IL2RA: variants seen among roughly 807,000 people sequenced by gnomAD.
The protein encoded by IL2RA is interleukin 2 receptor subunit alpha.
Under a neutral mutation model 37.8 loss-of-function variants are expected in IL2RA, and 24 were observed. The observed-to-expected ratio is 0.63, with a 90% CI of 0.46 to 0.89. The LOEUF (loss-of-function observed/expected upper bound fraction) is 0.89, where lower values mean the gene tolerates loss of function less well. Among genes scored for constraint, IL2RA ranks in the 40% least tolerant of loss-of-function variants. The pLI, the probability that IL2RA is intolerant of heterozygous loss-of-function variation, is 0.00. For missense variants in IL2RA, 319 were observed against 348.6 expected, an observed-to-expected ratio of 0.92 and a Z score of 0.68; for synonymous variants, 125 against 114.6, an observed-to-expected ratio of 1.09 and a Z score of -0.58.
At chr10:6,034,307 G>T (rs1162932560) in intron 1 of IL2RA, among the ~76,000 whole-genome samples, 2 of 152,162 alleles carry the variant, frequency 1.3e-5, no homozygotes, top group Non-Finnish European at 2.9e-5. Context: ...TAAAGAGCTT[G>T]GCTATAATCC....
rs138810945 is a variant in IL2RA at position 6,022,812 on chromosome 10, C to G, written c.368-1119G>C. ...ACATCCCTCAGGCAGAGCCAGCCTT[C>G]GAGAAAGGACAACAAGCATTGGCCT... On this transcript the variant is annotated intron_variant, in intron 3 of 7. Coordinates refer to ENST00000379959, the MANE Select transcript of IL2RA (RefSeq NM_000417.3). This position sits in a 1 kb window ranked among gnomAD's most constrained non-coding sequence, Gnocchi z 4.7. Among the ~76,000 whole-genome samples the G allele has an allele frequency of 1.1e-5, 1 of 87,054 alleles. No homozygotes were observed. Among genetic ancestry groups the G allele is most frequent in the Non-Finnish European group, 3.2e-5 (1 of 31,546 alleles). The allele number at this position is 87,054 out of a possible 152,430, so 57.1% of individuals were successfully genotyped here.
At position 6,033,916 on chromosome 10, in the gene IL2RA, C is replaced by T. The variant is rs965721340; in HGVS notation, c.65-7891G>A. On this transcript the variant is annotated intron_variant, in intron 1 of 7. Coordinates refer to ENST00000379959, the MANE Select transcript of IL2RA (RefSeq NM_000417.3). The surrounding 1 kb of genome is among the most constrained non-coding windows in gnomAD (Gnocchi z 4.3). ...AGTAATTTTAGCTCAACAAAATGAG[C>T]GAGAAGCATATTTAGCTACTCTTTT... Among the ~76,000 whole-genome samples the T allele has an allele frequency of 4.6e-5, 7 of 152,128 alleles. No individual in the cohort carries two copies. Among genetic ancestry groups the T allele is most frequent in the East Asian group, 1.9e-4 (1 of 5,196 alleles).
At position 6,033,221 on chromosome 10, in the gene IL2RA, G is replaced by T. The variant is rs41294707; in HGVS notation, c.65-7196C>A. ...GCGAAACCCTTTCTCTACTAAGGAG[G>T]CAGAGGTTGCAGTGAGCTGAGATCA... On this transcript the variant is annotated intron_variant, in intron 1 of 7. Coordinates refer to ENST00000379959, the MANE Select transcript of IL2RA (RefSeq NM_000417.3). This position sits in a 1 kb window ranked among gnomAD's most constrained non-coding sequence, Gnocchi z 4.3. Among the ~76,000 whole-genome samples the T allele has an allele frequency of 3.9e-3, 586 of 152,166 alleles. 4 individuals are homozygous for T. Among genetic ancestry groups the T allele is most frequent in the Middle Eastern group, 0.014 (4 of 294 alleles).
intron 1 of IL2RA, among the ~76,000 whole-genome samples, chr10:6,050,317 C>T (rs549822121): frequency 5.8e-4 from 89 of 152,262 alleles, no homozygotes; most frequent in African/African-American, 2.1e-3. Flanking sequence ...ATTACTGCCT[C>T]ATGGTCTCAG....
intron 1 of IL2RA, among the ~76,000 whole-genome samples, chr10:6,037,493 A>G (rs538419875): frequency 2.0e-5 from 3 of 152,234 alleles, no homozygotes; most frequent in African/African-American, 7.2e-5. Flanking sequence ...TTTAAGCTCT[A>G]CTTGTACCCA....
intron 1 of IL2RA, among the ~76,000 whole-genome samples, chr10:6,032,771 A>G (rs1328510722): frequency 6.6e-6 from 1 of 152,238 alleles, no homozygotes; most frequent in Non-Finnish European, 1.5e-5. Flanking sequence ...ATTTGTCACA[A>G]ATACTTGTGT....
intron 1 of IL2RA, among the ~76,000 whole-genome samples, chr10:6,040,466 C>T (rs12722652): frequency 0.018 from 2,740 of 152,244 alleles, 78 homozygotes; most frequent in African/African-American, 0.062. Flanking sequence ...TGAATATTTC[C>T]AGTCATTTTT....
rs1409868112 is a variant in IL2RA at position 6,014,230 on chromosome 10, G to T, written c.795-1334C>A. Among the ~76,000 whole-genome samples, 2 of 152,092 alleles carry T rather than the reference G, an allele frequency of 1.3e-5. No homozygotes were observed. Among genetic ancestry groups the T allele is most frequent in the African/African-American group, 4.8e-5 (2 of 41,424 alleles). ...CTGTGAGCCTTCTGTAGCACATCAC[G>T]GGCTCCTGGTCATTGCCCGAAACAA... On this transcript the variant is annotated intron_variant, in intron 7 of 7. Coordinates refer to ENST00000379959, the MANE Select transcript of IL2RA (RefSeq NM_000417.3). This position sits in a 1 kb window ranked among gnomAD's most constrained non-coding sequence, Gnocchi z 4.4.
chr10:6,040,976 A>AT (rs1219314298), intron 1 of IL2RA, among the ~76,000 whole-genome samples: 39 of 152,244 alleles, frequency 2.6e-4, no homozygotes, highest in Non-Finnish European at 4.0e-4. Flanking sequence ...GGGAAATGAT[A>AT]TTTTTTAACA....
At chr10:6,060,929 T>TAC (rs1237271945) in intron 1 of IL2RA, among the ~76,000 whole-genome samples, 1 of 152,192 alleles carries the variant, frequency 6.6e-6, no homozygotes, top group African/African-American at 2.4e-5. Context: ...AAATTCTTTC[T>TAC]ACAGCCAGTT....
rs1840046174 is a variant in IL2RA, at chr10:6,056,476, G to T, written c.64+5612C>A. Reference sequence around the variant, plus strand: ...GAATTAAGATTCTCTTTTCAGCTGGGCACAGTGGCTCATGCCTGTAATCCC... The same window carrying T: ...GAATTAAGATTCTCTTTTCAGCTGGTCACAGTGGCTCATGCCTGTAATCCC... On this transcript the variant is annotated intron_variant, in intron 1 of 7. Transcript: ENST00000379959. This position sits in a 1 kb window ranked among gnomAD's most constrained non-coding sequence, Gnocchi z 5.0. Among the ~76,000 whole-genome samples, 1 of 152,178 alleles carries T rather than the reference G, an allele frequency of 6.6e-6. No individual in the cohort carries two copies. Among genetic ancestry groups the T allele is most frequent in the Non-Finnish European group, 1.5e-5 (1 of 68,038 alleles).
chr10:6,061,170 C>T (rs1840116288), intron 1 of IL2RA, among the ~76,000 whole-genome samples: 1 of 152,084 alleles, frequency 6.6e-6, no homozygotes, highest in African/African-American at 2.4e-5. Context: ...GAGTGGATCA[C>T]TTGAGCCCAG....
At chr10:6,037,708 A>C (rs1839712448) in intron 1 of IL2RA, among the ~76,000 whole-genome samples, 1 of 152,122 alleles carries the variant, frequency 6.6e-6, no homozygotes, top group Non-Finnish European at 1.5e-5. Flanking sequence ...TGTTCCGCTC[A>C]CTGCCCCCCT....
At chr10:6,024,150 C>A in intron 3 of IL2RA, 94 bp downstream of exon 3, 1 of 820,838 alleles carries the variant, frequency 1.2e-6, no homozygotes, top group Non-Finnish European at 2.1e-6. Flanking sequence ...TTATAGAAGG[C>A]AGGGCAGACC....
rs1348689111 is a variant in IL2RA at position 6,033,860 on chromosome 10, T to C, written c.65-7835A>G. 6.6e-6 allele frequency among the ~76,000 whole-genome samples: 1 copy of C among 152,200 alleles called. No homozygotes were observed. Among genetic ancestry groups the C allele is most frequent in the Non-Finnish European group, 1.5e-5 (1 of 68,042 alleles). On this transcript the variant is annotated intron_variant, in intron 1 of 7. Transcript: ENST00000379959. The surrounding 1 kb of genome is among the most constrained non-coding windows in gnomAD (Gnocchi z 4.3). ...ACACATTTGTCAAAACTCATCAAAT[T>C]GTATGCCGCAGATCTATGCATTTCT...
Position 6,020,019 on chromosome 10 carries a change from C to T in IL2RA, c.584-78G>A, listed in dbSNP as rs1839359525. The T allele has an allele frequency of 1.6e-6, 2 of 1,242,142 alleles. No individual in the cohort carries two copies. Among genetic ancestry groups the T allele is most frequent in the East Asian group, 2.3e-5 (1 of 43,046 alleles). The allele number at this position is 1,242,142 out of a possible 1,614,324, so 76.9% of individuals were successfully genotyped here. ...TCACTCCCACCCCGCCTGCCCCAGG[C>T]AGCCGGCCCCAGACACGCCCGAGGA... On this transcript the variant is annotated intron_variant, in intron 4 of 7. Coordinates refer to ENST00000379959, the MANE Select transcript of IL2RA (RefSeq NM_000417.3). The surrounding 1 kb of genome is among the most constrained non-coding windows in gnomAD (Gnocchi z 5.6).
At position 6,012,545 on chromosome 10, in the gene IL2RA, A is replaced by G; in HGVS notation, c.*327T>C. 1 of 455,326 alleles carries G rather than the reference A, an allele frequency of 2.2e-6. No homozygotes were observed. The highest frequency in any genetic ancestry group is 4.0e-6 in the Non-Finnish European group (1 of 246,966). The allele number at this position is 455,326 out of a possible 1,614,324, so 28.2% of individuals were successfully genotyped here. A position where few individuals can be genotyped will look rare whatever the true frequency, so the allele number is the denominator to read the frequency against. On this transcript the variant is annotated 3_prime_UTR_variant, in exon 8 of 8. Transcript: ENST00000379959. The surrounding 1 kb of genome is among the most constrained non-coding windows in gnomAD (Gnocchi z 4.8). ...TTTCTTTATACTACATATAGGGTGG[A>G]GAGAGTTCCATACCATTCATGCTTT...
intron 1 of IL2RA, among the ~76,000 whole-genome samples, chr10:6,041,722 A>G (rs1839774932): frequency 6.6e-6 from 1 of 152,242 alleles, no homozygotes; most frequent in Non-Finnish European, 1.5e-5. Flanking sequence ...GACGTCTTTA[A>G]AATACAGTGA....
rs1839879168 is a variant in IL2RA at position 6,047,312 on chromosome 10, CCACACT to C, written c.64+14770_64+14775del. ...GGTGGGGTCAGGAGTGTGGCCTGTG[CCACACT>C]CAGAACGCGGGATGAACATAGAGGA... On this transcript the variant is annotated intron_variant, in intron 1 of 7. Transcript: ENST00000379959. This position sits in a 1 kb window ranked among gnomAD's most constrained non-coding sequence, Gnocchi z 5.0. Among the ~76,000 whole-genome samples the C allele has an allele frequency of 6.6e-6, 1 of 152,174 alleles. No individual in the cohort carries two copies. Among genetic ancestry groups the C allele is most frequent in the South Asian group, 2.1e-4 (1 of 4,822 alleles).
Sources: gnomAD v4.1 joint callset for allele counts (sites outside exome capture counted in the v4.1 genomes callset) on GRCh38, gnomAD v4.1.1 for gene constraint, Gnocchi (gnomAD v3.1) non-coding constraint, MANE v1.5 for transcripts, NCBI Gene and HGNC (gene_info 2026-07-23, HGNC 2026-07-21) for gene names.